The following LARGE1 variants were observed in gnomAD, a reference collection of about 807,000 sequenced individuals.
LARGE1 encodes the protein LARGE xylosyl- and glucuronyltransferase 1, also known as xylosyl- and glucuronyltransferase LARGE1.
A neutral mutation model predicts 87.6 loss-of-function variants in LARGE1; 43 were observed. The ratio of observed to expected loss-of-function variants is 0.49; its 90% CI spans 0.38 to 0.63. The LOEUF (loss-of-function observed/expected upper bound fraction) is 0.63, where lower values mean the gene tolerates loss of function less well. Ranked by LOEUF, LARGE1 falls within the 30% of genes least tolerant of loss-of-function variation. LARGE1 has a pLI of 0.00. For missense variants in LARGE1, 802 were observed against 1,000.2 expected, an observed-to-expected ratio of 0.80 and a Z score of 2.67; for synonymous variants, 434 against 394.6, an observed-to-expected ratio of 1.10 and a Z score of -1.18.
chr22:33,089,845 G>A, the LARGE1 span, among the ~76,000 whole-genome samples: 1 of 152,072 alleles, frequency 6.6e-6, no homozygotes, highest in Non-Finnish European at 1.5e-5. Flanking sequence ...CTCTTAAGAA[G>A]GGGACTGAGA....
At chr22:33,118,546 A>G in the LARGE1 span, among the ~76,000 whole-genome samples, 738 of 151,796 alleles carry the variant, frequency 4.9e-3, 2 homozygotes, top group African/African-American at 0.017. Context: ...AGACAGGAAG[A>G]AGAGAGACAA....
At chr22:33,316,012 C>T in intron 11 of LARGE1, 73 bp downstream of exon 11, 1 of 1,526,910 alleles carries the variant, frequency 6.5e-7, no homozygotes, top group Non-Finnish European at 9.0e-7. Context: ...GCAGGCACAC[C>T]CTTCTCCATT....
In LARGE1 at chr22:33,432,184, G is replaced by A; in HGVS notation, c.869C>T (p.Ala290Val). The change falls in exon 7 of 15, where the codon GCC (alanine) becomes GTC (valine). Residue 290 changes from alanine (A) to valine (V), a missense_variant. Ala to Val is a moderately conservative substitution (Grantham distance 64, BLOSUM62 0). Coordinates refer to ENST00000397394, the MANE Select transcript of LARGE1 (RefSeq NM_133642.5). ...ACCTGTGTTGTAGCCTCTTCCAAGG[G>A]CTGGCCATGGGCGGTGATTTTTCCA... ...NLWKNHRPWP[A>V]LGRGYNTGVI... The A allele has an allele frequency of 6.2e-7, 1 of 1,614,018 alleles. No homozygotes were observed. The highest frequency in any genetic ancestry group is 8.5e-7 in the Non-Finnish European group (1 of 1,179,930).
intron 3 of LARGE1, among the ~76,000 whole-genome samples, chr22:33,647,133 C>G (rs1249141866): frequency 1.3e-5 from 2 of 152,202 alleles, no homozygotes; most frequent in African/African-American, 4.8e-5. Context: ...GATTCTTAGT[C>G]AGTAGGTCTG....
intron 1 of LARGE1, among the ~76,000 whole-genome samples, chr22:33,884,806 T>C (rs1320133376): frequency 1.3e-5 from 2 of 152,202 alleles, no homozygotes; most frequent in East Asian, 3.9e-4. Flanking sequence ...GGTTTCCTGA[T>C]GGCACAAATC....
chr22:33,657,573 T>C (rs1417538464), intron 2 of LARGE1, among the ~76,000 whole-genome samples: 1 of 152,044 alleles, frequency 6.6e-6, no homozygotes, highest in Non-Finnish European at 1.5e-5. Flanking sequence ...CAGTCAAATT[T>C]TATTTCCAAA....
intron 6 of LARGE1, among the ~76,000 whole-genome samples, chr22:33,545,212 ATCTTTTT>A (rs1045036947): frequency 2.6e-5 from 4 of 151,438 alleles, no homozygotes; most frequent in Non-Finnish European, 4.4e-5. Context: ...TCATGTACAA[ATCTTTTT>A]TCTTTTGTAC....
chr22:33,106,585 T>A, the LARGE1 span, among the ~76,000 whole-genome samples: 8,485 of 152,010 alleles, frequency 0.056, 808 homozygotes, highest in African/African-American at 0.19. Context: ...AACCTCTGCC[T>A]CCCAGGTTGA....
chr22:33,457,293 CTTTT>C (rs759460321), intron 6 of LARGE1, among the ~76,000 whole-genome samples: 477 of 74,710 alleles, frequency 6.4e-3, no homozygotes, highest in African/African-American at 0.019. Context: ...ACGCCTGGCT[CTTTT>C]TTTTTTTTTT....
the LARGE1 span, among the ~76,000 whole-genome samples, chr22:33,134,503 C>T: frequency 6.6e-5 from 10 of 152,248 alleles, no homozygotes; most frequent in Non-Finnish European, 1.2e-4. Flanking sequence ...GTGATCCGCC[C>T]GCCTCGGCCT....
the LARGE1 span, among the ~76,000 whole-genome samples, chr22:33,154,554 T>A: frequency 6.6e-6 from 1 of 152,210 alleles, no homozygotes; most frequent in African/African-American, 2.4e-5. Flanking sequence ...TTATGTTTAA[T>A]ACAGGCAGAA....
intron 9 of LARGE1, among the ~76,000 whole-genome samples, chr22:33,370,914 T>C (rs1429477066): frequency 6.7e-6 from 1 of 149,780 alleles, no homozygotes; most frequent in African/African-American, 2.4e-5. Context: ...ATGAATAGTA[T>C]TCATATAACA....
At chr22:33,085,228 A>G in the LARGE1 span, among the ~76,000 whole-genome samples, 1 of 152,274 alleles carries the variant, frequency 6.6e-6, no homozygotes, top group Admixed American at 6.5e-5. Flanking sequence ...GTGAGCCGAG[A>G]TCGCGCCACT....
intron 6 of LARGE1, among the ~76,000 whole-genome samples, chr22:33,455,148 G>A (rs2068081821): frequency 1.3e-5 from 2 of 152,200 alleles, no homozygotes; most frequent in Non-Finnish European, 2.9e-5. Flanking sequence ...CATAAGGGAG[G>A]GAATGGATGG....
At chr22:33,709,230 C>T (rs2082652869) in intron 2 of LARGE1, among the ~76,000 whole-genome samples, 2 of 152,116 alleles carry the variant, frequency 1.3e-5, no homozygotes, top group Admixed American at 1.3e-4. Context: ...TTCTCAGAAG[C>T]CACCCCGCTC....
At position 33,838,117 on chromosome 22, in the gene LARGE1, T is replaced by C. The variant is rs576555731; in HGVS notation, c.-82-76559A>G. ...CTACAGAACAGTACTCTTGTTTTGA[T>C]TTTTTTGGACACTTTAAACATGTAA... On this transcript the variant is annotated intron_variant, in intron 1 of 14. Transcript: ENST00000397394. Among the ~76,000 whole-genome samples, 480 of 152,298 alleles carry C rather than the reference T, an allele frequency of 3.2e-3. 1 individual carries two copies. The highest frequency in any genetic ancestry group is 5.9e-3 in the Non-Finnish European group (403 of 68,018).
intron 1 of LARGE1, among the ~76,000 whole-genome samples, chr22:33,900,757 G>A (rs35838699): frequency 0.13 from 19,786 of 152,220 alleles, 1,383 homozygotes; most frequent in Middle Eastern, 0.15. Context: ...TTATAAAAAG[G>A]GGAAGCTGGC....
In LARGE1 at chr22:33,359,777, G is replaced by A. The variant is rs1180693185; in HGVS notation, c.1132-21976C>T. On this transcript the variant is annotated intron_variant, in intron 9 of 14. Coordinates refer to ENST00000397394, the MANE Select transcript of LARGE1 (RefSeq NM_133642.5). ...GATGGGGTTTCACTGTGTTAGCCAG[G>A]ATGGTCTCGATCTCCTGACCTTGTG... 2.0e-5 allele frequency among the ~76,000 whole-genome samples: 3 copies of A among 148,698 alleles called. 1 individual carries two copies. The highest frequency in any genetic ancestry group is 6.7e-5 in the Admixed American group (1 of 15,024).
At chr22:33,702,036 G>A (rs192487358) in intron 2 of LARGE1, among the ~76,000 whole-genome samples, 1 of 152,190 alleles carries the variant, frequency 6.6e-6, no homozygotes, top group Non-Finnish European at 1.5e-5. Context: ...CTTCTCATCT[G>A]CAAGAGCCGG....
Sources: gnomAD v4.1 joint callset for allele counts (sites outside exome capture counted in the v4.1 genomes callset) on GRCh38, gnomAD v4.1.1 for gene constraint, MANE v1.5 for transcripts, NCBI Gene and HGNC (gene_info 2026-07-23, HGNC 2026-07-21) for gene names.